The following PITRM1 variants were observed in gnomAD, a reference collection of about 807,000 sequenced individuals.
PITRM1 encodes the protein pitrilysin metallopeptidase 1, also known as presequence protease, mitochondrial.
A neutral mutation model predicts 129.9 loss-of-function variants in PITRM1; 100 were observed. The observed-to-expected ratio is 0.77, with a 90% CI of 0.65 to 0.91. The LOEUF (loss-of-function observed/expected upper bound fraction) is 0.91, where lower values mean the gene tolerates loss of function less well. Ranked by LOEUF, PITRM1 falls within the 40% of genes least tolerant of loss-of-function variation. The probability of loss-of-function intolerance (pLI) is 0.00; values close to 1 mark genes in which losing one functional copy is unlikely to be tolerated. For synonymous variants in PITRM1, 591 were observed against 508.8 expected (o/e 1.16, Z -2.17); for missense variants, 1,471 against 1,318.3 (o/e 1.12, Z -1.79).
intron 25 of PITRM1, 152 bp from the exon 26 acceptor site, chr10:3,138,489 C>T (rs1839819970): frequency 1.5e-6 from 1 of 656,518 alleles, no homozygotes; most frequent in South Asian, 1.7e-5. Flanking sequence ...CCAGAGATCA[C>T]ACCCCGACCT....
rs776081406 is a variant in PITRM1, at chr10:3,137,788, G to GC, written c.*242dup. On this transcript the variant is annotated 3_prime_UTR_variant, in exon 27 of 27. Coordinates refer to ENST00000224949, the MANE Select transcript of PITRM1 (RefSeq NM_014889.4). ...AATATTCTAGAATGAGGTAAAACGA[G>GC]CCTGCCAGTACAAAGTGAAAATTCT... is the stretch of plus-strand genomic sequence containing the variant. The GC allele has an allele frequency of 1.9e-6, 1 of 523,520 alleles. No homozygotes were observed. Among genetic ancestry groups the GC allele is most frequent in the Non-Finnish European group, 3.5e-6 (1 of 289,644 alleles). 32.4% of individuals were successfully genotyped at this position (523,520 alleles called of 1,614,324 possible).
intron 24 of PITRM1, among the ~76,000 whole-genome samples, chr10:3,140,271 C>T (rs73577177): frequency 0.02 from 3,072 of 152,270 alleles, 100 homozygotes; most frequent in African/African-American, 0.071. Flanking sequence ...AGGCAGGTAC[C>T]GTAGACAGCG....
At chr10:3,172,183 T>TTA (rs1843434295) in intron 1 of PITRM1, 2 of 456,606 alleles carry the variant, frequency 4.4e-6, no homozygotes, top group Non-Finnish European at 8.8e-6. Context: ...AACTATTACC[T>TTA]TATATTAAAC....
At chr10:3,150,099 G>A (rs538861871) in intron 15 of PITRM1, among the ~76,000 whole-genome samples, 19 of 151,468 alleles carry the variant, frequency 1.3e-4, no homozygotes, top group Middle Eastern at 3.4e-3. Flanking sequence ...CGTCCTCAGC[G>A]CTGCTCATCT....
intron 14 of PITRM1, among the ~76,000 whole-genome samples, chr10:3,151,747 T>G (rs1472638604): frequency 6.6e-6 from 1 of 152,180 alleles, no homozygotes; most frequent in Non-Finnish European, 1.5e-5. Flanking sequence ...TATCTTCTTT[T>G]TGTTTTGAGA....
chr10:3,141,299 G>A (rs1234603405), intron 23 of PITRM1, among the ~76,000 whole-genome samples: 1 of 152,220 alleles, frequency 6.6e-6, no homozygotes, highest in Non-Finnish European at 1.5e-5. Flanking sequence ...CAGGGTTGAA[G>A]GGAGAGGTGG....
Position 3,149,611 on chromosome 10 carries a change from C to A in PITRM1, c.1871+10G>T, listed in dbSNP as rs772662045. On this transcript the variant is annotated intron_variant, in intron 16 of 26. Transcript: ENST00000224949. The stretch of plus-strand genomic sequence containing the variant: ...TAATAAGACACACAAGGGTATGTTG[C>A]GACTCGTACTTGGTGAGGACGCTGC... 6.5e-6 allele frequency: 10 copies of A among 1,542,274 alleles called. No individual in the cohort carries two copies. Among genetic ancestry groups the A allele is most frequent in the African/African-American group, 1.4e-5 (1 of 71,876 alleles).
At position 3,140,760 on chromosome 10, in the gene PITRM1, G is replaced by T. The variant is rs767127875; in HGVS notation, c.2698C>A (p.Arg900=). The change falls in exon 24 of 27, where the codon CGA becomes AGA. Residue 900 remains arginine (R), a synonymous_variant. Transcript: ENST00000224949. ...CCACCATAAGCACCGCCTTTTTCTC[G>T]AATTTCTGTATGCAAGAATTTGGCA... The part of the protein sequence containing the change: ...MTAKFLHTEI[R]EKGGAYGGGA... The T allele has an allele frequency of 1.3e-6, 2 of 1,594,584 alleles. No homozygotes were observed. The highest frequency in any genetic ancestry group is 1.7e-6 in the Non-Finnish European group (2 of 1,169,444).
chr10:3,143,337 A>G, intron 23 of PITRM1, 52 bp downstream of exon 23: 1 of 1,154,922 alleles, frequency 8.7e-7, no homozygotes, highest in Non-Finnish European at 1.3e-6. Flanking sequence ...CAGCCTTGAC[A>G]AGCTCTTCCG....
Position 3,140,009 on chromosome 10 carries a change from G to A in PITRM1, c.2771+678C>T, listed in dbSNP as rs139430622. On this transcript the variant is annotated intron_variant, in intron 24 of 26. Transcript: ENST00000224949. ...TCAGGCTGTATCAGCCCCCTCACCT[G>A]GGGCCTGTGTTTCAGGACCCCCACG... 1.7e-3 allele frequency among the ~76,000 whole-genome samples: 257 copies of A among 152,304 alleles called. 2 individuals are homozygous for A. Among genetic ancestry groups the A allele is most frequent in the African/African-American group, 5.7e-3 (236 of 41,554 alleles).
At chr10:3,172,501 G>A (rs55634178) in intron 1 of PITRM1, among the ~76,000 whole-genome samples, 21,954 of 152,164 alleles carry the variant, frequency 0.14, 1,644 homozygotes, top group Non-Finnish European at 0.17. Flanking sequence ...CCAGCCCGGG[G>A]CATCGCCCCT....
At chr10:3,140,101 T>A (rs936650349) in intron 24 of PITRM1, among the ~76,000 whole-genome samples, 5 of 152,166 alleles carry the variant, frequency 3.3e-5, no homozygotes, top group African/African-American at 1.2e-4. Context: ...TGATAAAGTT[T>A]ATAGATTAGG....
At chr10:3,158,794 A>G in intron 10 of PITRM1, 120 bp downstream of exon 10, 1 of 984,510 alleles carries the variant, frequency 1.0e-6, no homozygotes, top group Non-Finnish European at 1.5e-6. Context: ...TATAGCAATC[A>G]AAAATCCAAA....
rs1483375893 is a variant in PITRM1 at position 3,165,311 on chromosome 10, T to A, written c.557A>T (p.His186Leu). Residue 186 changes from histidine (H) to leucine (L), a missense_variant, in exon 6 of 27, where the codon CAT becomes CTT. Physicochemically the swap from His to Leu is moderately conservative, Grantham distance 99. Coordinates refer to ENST00000224949, the MANE Select transcript of PITRM1 (RefSeq NM_014889.4). ...CGTCTGGGGGTCGCTCGGATTCTCA[T>A]GTTCCAGCCGCCATCCTTCCTGCCT... ...DFWQEGWRLE[H>L]ENPSDPQTPL... 1 of 1,591,118 alleles carries A rather than the reference T, an allele frequency of 6.3e-7. No individual in the cohort carries two copies. The highest frequency in any genetic ancestry group is 1.1e-5 in the South Asian group (1 of 87,058).
At chr10:3,166,590 A>G (rs1276179143) in intron 3 of PITRM1, among the ~76,000 whole-genome samples, 2 of 152,126 alleles carry the variant, frequency 1.3e-5, no homozygotes, top group Non-Finnish European at 2.9e-5. Context: ...ACTTTTCCTT[A>G]TTTTTCAAGA....
At chr10:3,141,840 G>T (rs1486144145) in intron 23 of PITRM1, 5 of 278,726 alleles carry the variant, frequency 1.8e-5, no homozygotes, top group Non-Finnish European at 3.0e-5. Flanking sequence ...CATCTCGTGT[G>T]GGTCCTCCAG....
At chr10:3,170,025 G>A in intron 2 of PITRM1, 79 bp downstream of exon 2, 4 of 1,071,110 alleles carry the variant, frequency 3.7e-6, no homozygotes, top group Admixed American at 1.9e-5. Flanking sequence ...TCTCCGCCCT[G>A]AAGGGCTCCG....
At chr10:3,153,836 A>G (rs1030256872) in intron 14 of PITRM1, among the ~76,000 whole-genome samples, 3 of 152,180 alleles carry the variant, frequency 2.0e-5, no homozygotes, top group Non-Finnish European at 2.9e-5. Context: ...TCCCAGCCCA[A>G]TTAGCTTTTT....
chr10:3,172,819 A>G (rs76038233), upstream of PITRM1: 44 of 1,522,592 alleles, frequency 2.9e-5, no homozygotes, highest in African/African-American at 2.4e-4. Flanking sequence ...TCTTAACCCG[A>G]CGCAGGGCGC....
Sources: gnomAD v4.1 joint callset for allele counts (sites outside exome capture counted in the v4.1 genomes callset) on GRCh38, gnomAD v4.1.1 for gene constraint, MANE v1.5 for transcripts, NCBI Gene and HGNC (gene_info 2026-07-23, HGNC 2026-07-21) for gene names.